Variants in ATXN1 observed in about 807,000 individuals in gnomAD.
ATXN1 encodes ataxin 1.
A neutral mutation model predicts 56.4 loss-of-function variants in ATXN1; 8 were observed. The ratio of observed to expected loss-of-function variants is 0.14; its 90% CI spans 0.08 to 0.26. ATXN1 has a LOEUF of 0.26. Ranked by LOEUF, ATXN1 falls within the 10% of genes least tolerant of loss-of-function variation. ATXN1 has a pLI of 1.00. For synonymous variants in ATXN1, 514 were observed against 494.6 expected, an observed-to-expected ratio of 1.04 and a Z score of -0.52; for missense variants, 987 against 1,106.5, an observed-to-expected ratio of 0.89 and a Z score of 1.53.
In ATXN1 at chr6:16,357,292, C is replaced by T. The variant is rs961193648; in HGVS notation, c.-160-28822G>A. Among the ~76,000 whole-genome samples the T allele has an allele frequency of 7.5e-5, 11 of 147,262 alleles. No homozygotes were observed. The South Asian group carries it at 1.1e-3, about 14-fold the overall frequency. ...TTTTATTTTTTTTTGCTTTTTGAGA[C>T]GCAGTCTCACTCTGTCACCCAGGCT... On this transcript the variant is annotated intron_variant, in intron 6 of 7. Transcript: ENST00000436367.
intron 2 of ATXN1, chr6:16,736,829 G>A (rs766708334): frequency 6.6e-6 from 1 of 152,162 alleles, no homozygotes; most frequent in Non-Finnish European, 1.5e-5. Context: ...ATTTGTAAGT[G>A]GAAAATCAAG....
intron 4 of ATXN1, among the ~76,000 whole-genome samples, chr6:16,529,114 G>T (rs1418558928): frequency 2.0e-5 from 3 of 151,570 alleles, no homozygotes; most frequent in Non-Finnish European, 4.4e-5. Context: ...GGGAGGTGGA[G>T]GTTGCAGTAA....
intron 6 of ATXN1, among the ~76,000 whole-genome samples, chr6:16,369,098 C>T (rs1761986264): frequency 6.6e-6 from 1 of 152,136 alleles, no homozygotes; most frequent in Non-Finnish European, 1.5e-5. Flanking sequence ...GTCCGTGCCC[C>T]CTCCCAATCT....
At chr6:16,742,010 C>T (rs1023309188) in intron 2 of ATXN1, among the ~76,000 whole-genome samples, 1 of 152,144 alleles carries the variant, frequency 6.6e-6, no homozygotes, top group African/African-American at 2.4e-5. Flanking sequence ...AAATAAAACA[C>T]CGAAATTTGG....
chr6:16,443,532 T>C (rs543070097), intron 6 of ATXN1, among the ~76,000 whole-genome samples: 4 of 152,318 alleles, frequency 2.6e-5, no homozygotes, highest in Non-Finnish European at 5.9e-5. Flanking sequence ...TGTAATGTAA[T>C]TGTCCATCTC....
At chr6:16,488,569 C>A (rs956440636) in intron 5 of ATXN1, among the ~76,000 whole-genome samples, 2 of 152,118 alleles carry the variant, frequency 1.3e-5, no homozygotes, top group Non-Finnish European at 2.9e-5. Flanking sequence ...TTTCTTCTTC[C>A]CTATCATCCC....
intron 3 of ATXN1, among the ~76,000 whole-genome samples, chr6:16,611,860 T>TA (rs1763112904): frequency 7.8e-6 from 1 of 128,776 alleles, no homozygotes; most frequent in Non-Finnish European, 1.7e-5. Flanking sequence ...TTTTTTTTTT[T>TA]TTTTTTTTTT....
At chr6:16,578,452 A>C (rs1231326442) in intron 4 of ATXN1, among the ~76,000 whole-genome samples, 5 of 152,238 alleles carry the variant, frequency 3.3e-5, no homozygotes, top group Non-Finnish European at 7.3e-5. Context: ...AGAGTTCTAC[A>C]TTTGTACTCA....
intron 2 of ATXN1, among the ~76,000 whole-genome samples, chr6:16,675,966 G>A (rs1355492803): frequency 1.3e-5 from 2 of 152,044 alleles, no homozygotes; most frequent in African/African-American, 2.4e-5. Context: ...ACAGGGTTAT[G>A]GGGAAGGAAC....
chr6:16,335,363 CT>C (rs1226858408), intron 6 of ATXN1, among the ~76,000 whole-genome samples: 4 of 152,232 alleles, frequency 2.6e-5, no homozygotes, highest in African/African-American at 9.6e-5. Context: ...CCTGGCACAA[CT>C]TTGTAGAAGA....
intron 6 of ATXN1, among the ~76,000 whole-genome samples, chr6:16,374,653 G>A (rs1454806474): frequency 6.6e-6 from 1 of 152,216 alleles, no homozygotes; most frequent in Non-Finnish European, 1.5e-5. Context: ...ACACCTGTGA[G>A]CATCGTGAGG....
At chr6:16,340,597 C>G (rs1430931564) in intron 6 of ATXN1, among the ~76,000 whole-genome samples, 1 of 152,140 alleles carries the variant, frequency 6.6e-6, no homozygotes, top group African/African-American at 2.4e-5. Context: ...ACTGAATTAT[C>G]AAAACGGAGG....
intron 6 of ATXN1, among the ~76,000 whole-genome samples, chr6:16,366,606 C>T (rs1761926143): frequency 6.6e-6 from 1 of 151,948 alleles, no homozygotes; most frequent in Admixed American, 6.5e-5. Flanking sequence ...CATATTGAAA[C>T]CCCTTCTCTA....
intron 6 of ATXN1, among the ~76,000 whole-genome samples, chr6:16,347,539 A>G (rs928212148): frequency 6.6e-6 from 1 of 151,824 alleles, no homozygotes; most frequent in Non-Finnish European, 1.5e-5. Flanking sequence ...TATCTAGCTC[A>G]AGGTTTGTAA....
intron 6 of ATXN1, among the ~76,000 whole-genome samples, chr6:16,466,982 C>T (rs1457134678): frequency 6.6e-6 from 1 of 152,200 alleles, no homozygotes; most frequent in Non-Finnish European, 1.5e-5. Context: ...CCAGTGTTTG[C>T]ATTAAATGAC....
At chr6:16,353,848 A>G (rs527790387) in intron 6 of ATXN1, among the ~76,000 whole-genome samples, 1 of 152,364 alleles carries the variant, frequency 6.6e-6, no homozygotes, top group African/African-American at 2.4e-5. Flanking sequence ...TGAGTCGATA[A>G]TCAGAAATAC....
chr6:16,417,525 G>A (rs1423599072), intron 6 of ATXN1, among the ~76,000 whole-genome samples: 6 of 150,866 alleles, frequency 4.0e-5, no homozygotes, highest in Admixed American at 2.6e-4. Flanking sequence ...TGCAAGCTCC[G>A]CCTCCCAGGT....
At chr6:16,574,089 G>A (rs374811863) in intron 4 of ATXN1, among the ~76,000 whole-genome samples, 147 of 152,084 alleles carry the variant, frequency 9.7e-4, no homozygotes, top group African/African-American at 3.4e-3. Flanking sequence ...TGCAGTGGCC[G>A]GATCTCAGCT....
chr6:16,665,884 A>G (rs1758413947), intron 2 of ATXN1, among the ~76,000 whole-genome samples: 1 of 152,226 alleles, frequency 6.6e-6, no homozygotes, highest in African/African-American at 2.4e-5. Flanking sequence ...ATCGTTGTGC[A>G]TATTTATTGG....
Sources: gnomAD v4.1 joint callset for allele counts (sites outside exome capture counted in the v4.1 genomes callset) on GRCh38, gnomAD v4.1.1 for gene constraint, MANE v1.5 for transcripts, NCBI Gene and HGNC (gene_info 2026-07-23, HGNC 2026-07-21) for gene names.